Variants in PCDHGA11 observed in about 807,000 individuals in gnomAD.
PCDHGA11 encodes protocadherin gamma-A11.
A neutral mutation model predicts 60.4 loss-of-function variants in PCDHGA11; 39 were observed. The ratio of observed to expected loss-of-function variants is 0.65; its 90% CI spans 0.50 to 0.84. The LOEUF (loss-of-function observed/expected upper bound fraction) is 0.84. Among genes scored for constraint, PCDHGA11 ranks in the 40% least tolerant of loss-of-function variants. The pLI is 0.00. For synonymous variants in PCDHGA11, 533 were observed against 510.3 expected (o/e 1.04, Z -0.60); for missense variants, 1,165 against 1,197.7 (o/e 0.97, Z 0.40).
chr5:141,486,140 C>T lies in PCDHGA11; in HGVS notation c.2434-8667C>T, dbSNP rs759476505. On this transcript the variant is annotated intron_variant, in intron 1 of 3. Coordinates refer to ENST00000398587, the MANE Select transcript of PCDHGA11 (RefSeq NM_018914.3). The surrounding 1 kb of genome is among the most constrained non-coding windows in gnomAD (Gnocchi z 5.0). ...TTACTATGAATTTGATGTGCGGGCT[C>T]GCGATGGGGGTTCTCCAGCCATGGA... 1 of 1,614,164 alleles carries T rather than the reference C, an allele frequency of 6.2e-7. No individual in the cohort carries two copies. The highest frequency in any genetic ancestry group is 1.3e-5 in the African/African-American group (1 of 75,030).
At chr5:141,483,637 G>A (rs1365525499) in intron 1 of PCDHGA11, among the ~76,000 whole-genome samples, 1 of 145,878 alleles carries the variant, frequency 6.9e-6, no homozygotes, top group South Asian at 2.1e-4. Flanking sequence ...AAGGTATAGA[G>A]GGGTGTGTGT....
chr5:141,455,093 T>C (rs2098812615), intron 1 of PCDHGA11, among the ~76,000 whole-genome samples: 1 of 152,060 alleles, frequency 6.6e-6, no homozygotes, highest in African/African-American at 2.4e-5. Context: ...ATTACAGGCT[T>C]GAGCCACTGC....
intron 1 of PCDHGA11, among the ~76,000 whole-genome samples, chr5:141,449,041 C>T (rs998143732): frequency 3.3e-5 from 5 of 152,126 alleles, no homozygotes; most frequent in Admixed American, 3.3e-4. Flanking sequence ...GATTATTAAC[C>T]AGTCTCATAA....
intron 1 of PCDHGA11, among the ~76,000 whole-genome samples, chr5:141,461,119 C>T (rs959427669): frequency 6.6e-6 from 1 of 152,016 alleles, no homozygotes; most frequent in Admixed American, 6.6e-5. Flanking sequence ...GTGTCTTTTT[C>T]ATATAATTAC....
rs142329128 is a variant in PCDHGA11, at chr5:141,439,495, C to T, written c.2433+15835C>T. Among the ~76,000 whole-genome samples the T allele has an allele frequency of 9.7e-4, 147 of 152,324 alleles. 1 individual carries two copies. The highest frequency in any genetic ancestry group is 3.4e-3 in the African/African-American group (140 of 41,568). ...TCAGCTTGCAAATTCCAGTGAGAAACGTCTTTCTCTCTGCTCTCAACTAAC... is the reference window on the plus strand; with the variant it reads ...TCAGCTTGCAAATTCCAGTGAGAAATGTCTTTCTCTCTGCTCTCAACTAAC... On this transcript the variant is annotated intron_variant, in intron 1 of 3. Coordinates refer to ENST00000398587, the MANE Select transcript of PCDHGA11 (RefSeq NM_018914.3).
chr5:141,504,077 G>A (rs939470644), intron 2 of PCDHGA11, among the ~76,000 whole-genome samples: 3 of 152,124 alleles, frequency 2.0e-5, no homozygotes, highest in Non-Finnish European at 2.9e-5. Context: ...GCCAGATGGT[G>A]CCAAACAGTT....
rs371079504 is a variant in PCDHGA11, at chr5:141,422,041, G to C, written c.814G>C (p.Glu272Gln). 9 of 1,611,514 alleles carry C rather than the reference G, an allele frequency of 5.6e-6. No homozygotes were observed. The highest frequency in any genetic ancestry group is 5.9e-6 in the Non-Finnish European group (7 of 1,179,230). The change falls in exon 1 of 4, where the codon GAG becomes CAG. Residue 272 changes from glutamate (E) to glutamine (Q), a missense_variant. Transcript: ENST00000398587. ...GATGGTTAATGCAACGGATCCAGAC[G>C]AGGGAATCAACGGGGAAGTAATGTA... ...VLMVNATDPDEGINGEVMYSF... is the reference protein window; with the variant it reads ...VLMVNATDPDQGINGEVMYSF...
chr5:141,486,884 C>G lies in PCDHGA11; in HGVS notation c.2434-7923C>G, dbSNP rs1272694679. On this transcript the variant is annotated intron_variant, in intron 1 of 3. Transcript: ENST00000398587. The surrounding 1 kb of genome is among the most constrained non-coding windows in gnomAD (Gnocchi z 5.0). ...TCCAGCTGTGCTCCGTCCTCGGGCC[C>G]GGCCTGGTTCCTTATGTCCCCAAGC... The G allele has an allele frequency of 6.2e-7, 1 of 1,614,224 alleles. No homozygotes were observed. The highest frequency in any genetic ancestry group is 8.5e-7 in the Non-Finnish European group (1 of 1,180,046).
intron 1 of PCDHGA11, chr5:141,428,082 G>T (rs776612130): frequency 1.2e-6 from 2 of 1,609,030 alleles, no homozygotes; most frequent in South Asian, 2.2e-5. Flanking sequence ...GGGACACAAC[G>T]CTTGGCTGTC....
rs561392729 is a variant in PCDHGA11, at chr5:141,475,706, G to T, written c.2434-19101G>T. On this transcript the variant is annotated intron_variant, in intron 1 of 3. Transcript: ENST00000398587. ...GGATTGGAGACTTGCAGAACGGCTA[G>T]CCTCACAGCCCCAAGGCTGGCTTTC... Among the ~76,000 whole-genome samples the T allele has an allele frequency of 7.2e-5, 11 of 152,364 alleles. 1 individual carries two copies. In the South Asian group the frequency reaches 2.3e-3, roughly 32 times the overall value.
chr5:141,462,414 T>C (rs549473269), intron 1 of PCDHGA11, among the ~76,000 whole-genome samples: 1 of 152,360 alleles, frequency 6.6e-6, no homozygotes, highest in Non-Finnish European at 1.5e-5. Flanking sequence ...CAGAATATGG[T>C]CTATCTTGGT....
At chr5:141,437,249 T>G (rs2097870737) in intron 1 of PCDHGA11, among the ~76,000 whole-genome samples, 1 of 152,240 alleles carries the variant, frequency 6.6e-6, no homozygotes, top group African/African-American at 2.4e-5. Context: ...GGACTTTCCT[T>G]GTCTTTTTAT....
chr5:141,440,564 A>G (rs531383065), intron 1 of PCDHGA11: 1 of 152,248 alleles, frequency 6.6e-6, no homozygotes, highest in Admixed American at 6.5e-5. Context: ...TAAGTTACGT[A>G]TCTCTGAGTT....
At chr5:141,426,538 C>T (rs1038881219) in intron 1 of PCDHGA11, 2 of 346,308 alleles carry the variant, frequency 5.8e-6, no homozygotes, top group Non-Finnish European at 1.2e-5. Context: ...TGGGAACATA[C>T]TTGTGAGTGA....
intron 1 of PCDHGA11, among the ~76,000 whole-genome samples, chr5:141,483,466 A>C (rs1212605130): frequency 6.6e-6 from 1 of 152,188 alleles, no homozygotes. Context: ...GTTGATTGAC[A>C]TGATATAGGA....
At chr5:141,455,634 G>T (rs1429708887) in intron 1 of PCDHGA11, among the ~76,000 whole-genome samples, 1 of 152,110 alleles carries the variant, frequency 6.6e-6, no homozygotes, top group African/African-American at 2.4e-5. Context: ...GAGATATGTG[G>T]GGGGCAGCCA....
intron 1 of PCDHGA11, among the ~76,000 whole-genome samples, chr5:141,443,479 C>G (rs1285767691): frequency 6.6e-6 from 1 of 152,144 alleles, no homozygotes; most frequent in African/African-American, 2.4e-5. Context: ...GAATTAGACC[C>G]TGTCCCAAAA....
chr5:141,454,407 T>TTTTA (rs1029547484), intron 1 of PCDHGA11, among the ~76,000 whole-genome samples: 21 of 152,236 alleles, frequency 1.4e-4, no homozygotes, highest in Admixed American at 1.2e-3. Flanking sequence ...GCTTATTCCT[T>TTTTA]TTTATTTATT....
intron 1 of PCDHGA11, among the ~76,000 whole-genome samples, chr5:141,472,913 G>A (rs1049221725): frequency 2.0e-5 from 3 of 147,764 alleles, no homozygotes; most frequent in African/African-American, 2.5e-5. Context: ...TTGAACCCAA[G>A]AGGAGGAGGT....
Sources: allele counts gnomAD v4.1 joint callset (sites outside exome capture counted in the v4.1 genomes callset), GRCh38; gene constraint gnomAD v4.1.1; non-coding constraint Gnocchi (gnomAD v3.1); transcripts MANE v1.5; gene names NCBI Gene and HGNC (gene_info 2026-07-23, HGNC 2026-07-21).